GLI4: variants seen among roughly 807,000 people sequenced by gnomAD.
GLI4 encodes the protein GLI family zinc finger 4.
In GLI4, 34 loss-of-function variants were observed where a neutral mutation model predicts 30.9. That is an observed-to-expected ratio of 1.10 (90% CI 0.84 to 1.47). GLI4 has a LOEUF of 1.47. GLI4 is among the 40% of genes most tolerant of loss of function. The pLI is 0.00. For missense variants in GLI4, 696 were observed against 538.9 expected, an observed-to-expected ratio of 1.29 and a Z score of -2.89; for synonymous variants, 277 against 236.7, an observed-to-expected ratio of 1.17 and a Z score of -1.56.
intron 2 of GLI4, 114 bp from the exon 3 acceptor site, chr8:143,274,590 G>A: frequency 9.9e-7 from 1 of 1,010,014 alleles, no homozygotes; most frequent in East Asian, 2.9e-5. Flanking sequence ...GGGATTGGGA[G>A]GGCCAGGAGG....
chr8:143,271,908 A>G (rs971724075), intron 2 of GLI4, among the ~76,000 whole-genome samples: 3 of 152,238 alleles, frequency 2.0e-5, no homozygotes, highest in Admixed American at 2.0e-4. Context: ...AACAGGCCAC[A>G]GTTCCTCATC....
In GLI4 at chr8:143,276,066, T is replaced by G; in HGVS notation, c.393T>G (p.Pro131=). 1 of 1,388,664 alleles carries G rather than the reference T, an allele frequency of 7.2e-7. No individual in the cohort carries two copies. The highest frequency in any genetic ancestry group is 9.2e-7 in the Non-Finnish European group (1 of 1,081,502). The allele number at this position is 1,388,664 out of a possible 1,614,324, so 86.0% of individuals were successfully genotyped here. The change falls in exon 4 of 4, where the codon CCT becomes CCG. Residue 131 remains proline (P), a synonymous_variant. Coordinates refer to ENST00000340042, the MANE Select transcript of GLI4 (RefSeq NM_138465.4). Reference sequence around the variant, plus strand: ...CGGAGCGGCCGGCGGGCCAGCCGCCTGGGGCCGTCCCTTGCGCCCAGCCGC... The same window carrying G: ...CGGAGCGGCCGGCGGGCCAGCCGCCGGGGGCCGTCCCTTGCGCCCAGCCGC... ...SSAERPAGQP[P]GAVPCAQPRG... is the part of the protein sequence containing the mutation.
chr8:143,276,465 G>A lies in GLI4; in HGVS notation c.792G>A (p.Glu264=). Residue 264 remains glutamate, a synonymous_variant, in exon 4 of 4, where the codon GAG becomes GAA. Transcript: ENST00000340042. ...FTQHLRIHNG[E]KPYKCGECGQ... is the part of the protein sequence containing the mutation. ...AGCACCTGCGCATCCACAACGGCGAGAAGCCCTACAAGTGCGGCGAGTGCG... is the reference window on the plus strand; with the variant it reads ...AGCACCTGCGCATCCACAACGGCGAAAAGCCCTACAAGTGCGGCGAGTGCG... 6.2e-7 allele frequency: 1 copy of A among 1,613,056 alleles called. No homozygotes were observed. Among genetic ancestry groups the A allele is most frequent in the Non-Finnish European group, 8.5e-7 (1 of 1,179,840 alleles).
In GLI4 at chr8:143,276,143, G is replaced by T. The variant is rs990378066; in HGVS notation, c.470G>T (p.Gly157Val). Residue 157 changes from glycine to valine, a missense_variant, in exon 4 of 4, where the codon GGT (glycine) becomes GTT (valine). By Grantham distance (109) the Gly-to-Val change is moderately radical (BLOSUM62 -3). Transcript: ENST00000340042. ...CAGCAAGCAGCGGCCGGGCCCGAGG[G>T]TGCGCCCGAGCGGGCTGCCGAGCTG... ...LVQQAAAGPE[G>V]APERAAELGV... 43 of 1,544,766 alleles carry T rather than the reference G, an allele frequency of 2.8e-5. No individual in the cohort carries two copies. Among genetic ancestry groups the T allele is most frequent in the East Asian group, 1.5e-4 (6 of 40,554 alleles).
intron 2 of GLI4, 44 bp downstream of exon 2, chr8:143,269,564 G>A (rs1815220640): frequency 3.9e-6 from 6 of 1,537,622 alleles, no homozygotes; most frequent in Non-Finnish European, 5.4e-6. Flanking sequence ...TGCATCCCCT[G>A]CCCTCACGTC....
rs1249283183 is a variant in GLI4 at position 143,275,793 on chromosome 8, T to A, written c.224-104T>A. The A allele has an allele frequency of 2.7e-5, 33 of 1,243,452 alleles. No individual in the cohort carries two copies. In the Admixed American group the frequency reaches 1.3e-3, roughly 51 times the overall value. The allele number at this position is 1,243,452 out of a possible 1,614,324, so 77.0% of individuals were successfully genotyped here. ...GGGTGCCTGGCCCCTCCTTGTCCCC[T>A]CTAAGCCCCCCCGTCCAGCTCTGCT... On this transcript the variant is annotated intron_variant, in intron 3 of 3. Coordinates refer to ENST00000340042, the MANE Select transcript of GLI4 (RefSeq NM_138465.4).
At chr8:143,269,224 A>G (rs7819483) in intron 1 of GLI4, 136 bp from the exon 2 acceptor site, 197,959 of 691,730 alleles carry the variant, frequency 0.29, 31,351 homozygotes, top group African/African-American at 0.51. Flanking sequence ...CTGTGGGTTC[A>G]TCCTCCATCC....
chr8:143,269,865 T>C (rs1385509460), intron 2 of GLI4, among the ~76,000 whole-genome samples: 1 of 152,234 alleles, frequency 6.6e-6, no homozygotes, highest in Non-Finnish European at 1.5e-5. Context: ...TGAGTGTGTG[T>C]TGTCATTCAG....
intron 3 of GLI4, 81 bp from the exon 4 acceptor site, chr8:143,275,816 G>A: frequency 8.0e-7 from 1 of 1,251,142 alleles, no homozygotes. Context: ...GTCCAGCTCT[G>A]CTCTCACTCC....
Position 143,269,539 on chromosome 8 carries a change from G to C in GLI4, c.124+19G>C. On this transcript the variant is annotated intron_variant, in intron 2 of 3. Coordinates refer to ENST00000340042, the MANE Select transcript of GLI4 (RefSeq NM_138465.4). Reference sequence around the variant, plus strand: ...CAACATGGTACTCACCCAGCCCGCTGTGCGCCCTCCACCCTGCATCCCCTG... The same window carrying C: ...CAACATGGTACTCACCCAGCCCGCTCTGCGCCCTCCACCCTGCATCCCCTG... 6.2e-7 allele frequency: 1 copy of C among 1,606,474 alleles called. No homozygotes were observed. Among genetic ancestry groups the C allele is most frequent in the Non-Finnish European group, 8.5e-7 (1 of 1,173,916 alleles).
At chr8:143,268,859 C>CTGCTGCTGCTGCTGCTGCTGT (rs35422165) in intron 1 of GLI4, among the ~76,000 whole-genome samples, 5,397 of 149,426 alleles carry the variant, frequency 0.036, 236 homozygotes, top group African/African-American at 0.1. Context: ...GCTGCTGCTG[C>CTGCTGCTGCTGCTGCTGCTGT]TGTTGTTTGA....
chr8:143,276,222 C>G lies in GLI4; in HGVS notation c.549C>G (p.His183Gln), dbSNP rs776621502. ...RQGSARGAKP[H>Q]RCEACGKSFK... is the part of the protein sequence containing the mutation. ...GCAGCGCGCGGGGGGCCAAGCCGCA[C>G]AGGTGCGAGGCCTGCGGCAAGAGTT... The change falls in exon 4 of 4, where the codon CAC becomes CAG. Residue 183 changes from histidine (H) to glutamine (Q), a missense_variant. Transcript: ENST00000340042. 32 of 1,592,648 alleles carry G rather than the reference C, an allele frequency of 2.0e-5. No homozygotes were observed. The highest frequency in any genetic ancestry group is 2.7e-5 in the Non-Finnish European group (32 of 1,170,482).
intron 2 of GLI4, among the ~76,000 whole-genome samples, chr8:143,272,868 C>T (rs1406507450): frequency 6.6e-6 from 1 of 152,188 alleles, no homozygotes; most frequent in East Asian, 1.9e-4. Context: ...CCTGAGTCGG[C>T]TTGTTCCGCA....
At chr8:143,267,960 C>G in intron 1 of GLI4, 3 of 985,418 alleles carry the variant, frequency 3.0e-6, no homozygotes, top group Non-Finnish European at 2.4e-6. Context: ...AGTGCCCTTC[C>G]CCCTTCAGTC....
chr8:143,276,706 C>G lies in GLI4; in HGVS notation c.1033C>G (p.His345Asp), dbSNP rs1473845457. Residue 345 changes from histidine to aspartate, a missense_variant, in exon 4 of 4, where the codon CAC becomes GAC. By Grantham distance (81) the His-to-Asp change is moderately conservative. Coordinates refer to ENST00000340042, the MANE Select transcript of GLI4 (RefSeq NM_138465.4). ...RSHFFRHLRT[H>D]TGEKPFACGA... ...GCACTTCTTCCGGCACCTGCGGACCCACACGGGCGAGAAGCCCTTCGCGTG... is the reference window on the plus strand; with the variant it reads ...GCACTTCTTCCGGCACCTGCGGACCGACACGGGCGAGAAGCCCTTCGCGTG... 5.6e-6 allele frequency: 9 copies of G among 1,611,276 alleles called. No homozygotes were observed. The highest frequency in any genetic ancestry group is 7.6e-6 in the Non-Finnish European group (9 of 1,179,272).
At chr8:143,270,894 C>T (rs1287648229) in intron 2 of GLI4, among the ~76,000 whole-genome samples, 1 of 152,194 alleles carries the variant, frequency 6.6e-6, no homozygotes, top group Non-Finnish European at 1.5e-5. Context: ...CCAGTTTCTG[C>T]AGGATAAGAA....
chr8:143,267,637 C>CG lies in GLI4; in HGVS notation c.-38+157dup, dbSNP rs1157496422. On this transcript the variant is annotated intron_variant, in intron 1 of 3. Transcript: ENST00000340042. ...CGTGACCTTGGCCTTGGGCCAAGCC[C>CG]GGGGAGCGGGGTGGGCTCCTGGGGG... is the stretch of plus-strand genomic sequence containing the variant. 4 of 984,068 alleles carry CG rather than the reference C, an allele frequency of 4.1e-6. No individual in the cohort carries two copies. The Admixed American group carries it at 1.9e-4, about 46-fold the overall frequency. 61.0% of individuals were successfully genotyped at this position (984,068 alleles called of 1,614,324 possible). A position where few individuals can be genotyped will look rare whatever the true frequency, so the allele number is the denominator to read the frequency against.
In GLI4 at chr8:143,276,203, C is replaced by T. The variant is rs1563737475; in HGVS notation, c.530C>T (p.Ala177Val). 6.4e-7 allele frequency: 1 copy of T among 1,572,660 alleles called. No individual in the cohort carries two copies. Among genetic ancestry groups the T allele is most frequent in the South Asian group, 1.1e-5 (1 of 87,202 alleles). Residue 177 changes from alanine (A) to valine (V), a missense_variant, in exon 4 of 4, where the codon GCG becomes GTG. Ala to Val is a moderately conservative substitution (Grantham distance 64, BLOSUM62 0). Transcript: ENST00000340042. ...TTCGGTCGGAGCCGGCAGGGCAGCG[C>T]GCGGGGGGCCAAGCCGCACAGGTGC... ...VNFGRSRQGS[A>V]RGAKPHRCEA...
Position 143,276,863 on chromosome 8 carries a change from C to G in GLI4, c.*59C>G. On this transcript the variant is annotated 3_prime_UTR_variant, in exon 4 of 4. Transcript: ENST00000340042. Reference sequence around the variant, plus strand: ...GCCCCCAACCCACCCTCCACCCCGTCCCCCACGGTGGGCACTGCCCAGCAC... The same window carrying G: ...GCCCCCAACCCACCCTCCACCCCGTGCCCCACGGTGGGCACTGCCCAGCAC... The G allele has an allele frequency of 9.0e-7, 1 of 1,110,170 alleles. No individual in the cohort carries two copies. The highest frequency in any genetic ancestry group is 2.6e-5 in the Admixed American group (1 of 37,920). 68.8% of individuals were successfully genotyped at this position (1,110,170 alleles called of 1,614,324 possible). A position where few individuals can be genotyped will look rare whatever the true frequency, so the allele number is the denominator to read the frequency against.
Sources: allele counts gnomAD v4.1 joint callset (sites outside exome capture counted in the v4.1 genomes callset), GRCh38; gene constraint gnomAD v4.1.1; transcripts MANE v1.5; gene names NCBI Gene and HGNC (gene_info 2026-07-23, HGNC 2026-07-21).